KCTD16: variants seen among roughly 807,000 people sequenced by gnomAD.
KCTD16 encodes BTB/POZ domain-containing protein KCTD16.
Under a neutral mutation model 33.2 loss-of-function variants are expected in KCTD16, and 13 were observed. The ratio of observed to expected loss-of-function variants is 0.39; its 90% CI spans 0.25 to 0.62. The LOEUF (loss-of-function observed/expected upper bound fraction) is 0.62. Ranked by LOEUF, KCTD16 falls within the 20% of genes least tolerant of loss-of-function variation. The probability of loss-of-function intolerance (pLI) is 0.50; values close to 1 mark genes in which losing one functional copy is unlikely to be tolerated. For synonymous variants in KCTD16, 197 were observed against 195.3 expected, an observed-to-expected ratio of 1.01 and a Z score of -0.07; for missense variants, 441 against 525.1, an observed-to-expected ratio of 0.84 and a Z score of 1.57.
At chr5:144,301,831 A>T (rs909538264) in intron 3 of KCTD16, among the ~76,000 whole-genome samples, 1 of 152,166 alleles carries the variant, frequency 6.6e-6, no homozygotes, top group African/African-American at 2.4e-5. Flanking sequence ...GATGTTTTAG[A>T]TACTTTTAGG....
rs960959923 is a variant in KCTD16, at chr5:144,394,559, A to G, written c.833-79101A>G. On this transcript the variant is annotated intron_variant, in intron 3 of 3. Coordinates refer to ENST00000512467, the MANE Select transcript of KCTD16 (RefSeq NM_020768.4). Reference sequence around the variant, plus strand: ...AGTAATATGGTTTGGCTATATCCCCACCCAAATCTCATCTTGAATTGTAAT... The same window carrying G: ...AGTAATATGGTTTGGCTATATCCCCGCCCAAATCTCATCTTGAATTGTAAT... Among the ~76,000 whole-genome samples the G allele has an allele frequency of 9.8e-5, 15 of 152,310 alleles. No individual in the cohort carries two copies. The East Asian group carries it at 2.7e-3, about 27-fold the overall frequency.
At chr5:144,208,074 G>T (rs1234008228) in intron 3 of KCTD16, among the ~76,000 whole-genome samples, 1 of 152,200 alleles carries the variant, frequency 6.6e-6, no homozygotes, top group Non-Finnish European at 1.5e-5. Flanking sequence ...AAGGCCCCCT[G>T]CTCCCCCCAA....
At chr5:144,464,047 G>C (rs1293148876) in intron 3 of KCTD16, among the ~76,000 whole-genome samples, 1 of 152,136 alleles carries the variant, frequency 6.6e-6, no homozygotes, top group African/African-American at 2.4e-5. Flanking sequence ...AGATAGTGTG[G>C]TGAAAATGAG....
intron 3 of KCTD16, among the ~76,000 whole-genome samples, chr5:144,419,846 A>G (rs1753169758): frequency 6.6e-6 from 1 of 152,124 alleles, no homozygotes; most frequent in African/African-American, 2.4e-5. Flanking sequence ...ACCCTGTTGC[A>G]TAGGAGAGCT....
At chr5:144,179,890 A>G (rs1184703799) in intron 2 of KCTD16, among the ~76,000 whole-genome samples, 1 of 152,246 alleles carries the variant, frequency 6.6e-6, no homozygotes, top group Non-Finnish European at 1.5e-5. Flanking sequence ...GTCACAATAT[A>G]CAACAAACAG....
chr5:144,271,950 C>T (rs1261053874), intron 3 of KCTD16, among the ~76,000 whole-genome samples: 11 of 151,872 alleles, frequency 7.2e-5, no homozygotes, highest in East Asian at 3.9e-4. Flanking sequence ...TAGGAATCAA[C>T]GTAACCAATG....
intron 3 of KCTD16, among the ~76,000 whole-genome samples, chr5:144,265,608 G>A (rs1410734241): frequency 6.6e-6 from 1 of 152,196 alleles, no homozygotes; most frequent in Non-Finnish European, 1.5e-5. Flanking sequence ...GAAGTTGGCT[G>A]TATCTTCTAT....
At chr5:144,199,743 A>T (rs1241327975) in intron 2 of KCTD16, among the ~76,000 whole-genome samples, 4 of 118,460 alleles carry the variant, frequency 3.4e-5, no homozygotes, top group Non-Finnish European at 4.9e-5. Flanking sequence ...TTTGAGACAG[A>T]GTCTCGCTTT....
intron 3 of KCTD16, chr5:144,439,519 G>A (rs1022066480): frequency 1.5e-5 from 3 of 199,924 alleles, no homozygotes; most frequent in Non-Finnish European, 3.1e-5. Flanking sequence ...TTACACAGCT[G>A]TCCTTGCTTC....
rs555086314 is a variant in KCTD16, at chr5:144,351,824, T to C, written c.833-121836T>C. On this transcript the variant is annotated intron_variant, in intron 3 of 3. Coordinates refer to ENST00000512467, the MANE Select transcript of KCTD16 (RefSeq NM_020768.4). ...GACAAAAACTGCAGTATCTCACTTA[T>C]ATGTGGAGTGTGAAAAAGTCAAACA... Among the ~76,000 whole-genome samples the C allele has an allele frequency of 4.6e-5, 7 of 152,282 alleles. No homozygotes were observed. In the South Asian group the frequency reaches 1.2e-3, roughly 27 times the overall value.
At chr5:144,289,089 A>T (rs1755826840) in intron 3 of KCTD16, among the ~76,000 whole-genome samples, 1 of 152,228 alleles carries the variant, frequency 6.6e-6, no homozygotes, top group South Asian at 2.1e-4. Flanking sequence ...CAGGAATGGG[A>T]TCCTTAAAAA....
At chr5:144,374,677 C>A (rs1398526770) in intron 3 of KCTD16, among the ~76,000 whole-genome samples, 1 of 152,152 alleles carries the variant, frequency 6.6e-6, no homozygotes, top group Non-Finnish European at 1.5e-5. Context: ...ACCTCTTTGA[C>A]TTTTATTTCT....
chr5:144,191,923 T>G (rs1215735978), intron 2 of KCTD16, among the ~76,000 whole-genome samples: 2 of 152,196 alleles, frequency 1.3e-5, no homozygotes, highest in African/African-American at 4.8e-5. Flanking sequence ...GTGAATTTCT[T>G]TCACCATTCA....
intron 3 of KCTD16, among the ~76,000 whole-genome samples, chr5:144,221,604 T>C (rs1408710517): frequency 6.6e-6 from 1 of 152,246 alleles, no homozygotes; most frequent in Non-Finnish European, 1.5e-5. Context: ...AATTCATCCC[T>C]TTTTATGGCT....
intron 3 of KCTD16, among the ~76,000 whole-genome samples, chr5:144,389,669 A>G (rs561412420): frequency 1.1e-3 from 9 of 8,308 alleles, no homozygotes; most frequent in African/African-American, 8.1e-3. Context: ...ACCTGGCCCA[A>G]TCTGTGGAAA....
chr5:144,480,667 G>A lies in KCTD16; in HGVS notation c.*6553G>A, dbSNP rs1754688016. 6.6e-6 allele frequency: 1 copy of A among 151,800 alleles called. No individual in the cohort carries two copies. Among genetic ancestry groups the A allele is most frequent in the South Asian group, 2.1e-4 (1 of 4,826 alleles). The allele number at this position is 151,800 out of a possible 1,614,324, so 9.4% of individuals were successfully genotyped here. A position where few individuals can be genotyped will look rare whatever the true frequency, so the allele number is the denominator to read the frequency against. ...TACCAGAGATCTTTTGGCAATGCCT[G>A]GAGATATTTTTTGTTTCATGATTTG... On this transcript the variant is annotated 3_prime_UTR_variant, in exon 4 of 4. Coordinates refer to ENST00000512467, the MANE Select transcript of KCTD16 (RefSeq NM_020768.4).
intron 3 of KCTD16, among the ~76,000 whole-genome samples, chr5:144,264,580 T>A (rs1247870921): frequency 6.6e-6 from 1 of 151,940 alleles, no homozygotes; most frequent in Non-Finnish European, 1.5e-5. Flanking sequence ...CTGAGCAACA[T>A]AGGAAGACCC....
chr5:144,244,046 C>G (rs577001361), intron 3 of KCTD16, among the ~76,000 whole-genome samples: 7 of 152,188 alleles, frequency 4.6e-5, no homozygotes, highest in African/African-American at 1.7e-4. Context: ...TCCAGCCCCC[C>G]ATGAATACTT....
chr5:144,451,261 T>C (rs1438877607), intron 3 of KCTD16, among the ~76,000 whole-genome samples: 6 of 152,276 alleles, frequency 3.9e-5, no homozygotes, highest in African/African-American at 1.4e-4. Flanking sequence ...GAGCAGATTT[T>C]TTAAAAAGTG....
Sources: gnomAD v4.1 joint callset for allele counts (sites outside exome capture counted in the v4.1 genomes callset) on GRCh38, gnomAD v4.1.1 for gene constraint, MANE v1.5 for transcripts, NCBI Gene and HGNC (gene_info 2026-07-23, HGNC 2026-07-21) for gene names.